NPIPB2: variants seen among roughly 807,000 people sequenced by gnomAD.
NPIPB2 encodes the protein nuclear pore complex-interacting protein family member B2.
In NPIPB2, 27 loss-of-function variants were observed where a neutral mutation model predicts 30.8. That is an observed-to-expected ratio of 0.88 (90% CI 0.65 to 1.21). NPIPB2 has a LOEUF of 1.21. Among genes scored for constraint, NPIPB2 ranks in the 50% most tolerant of loss-of-function variants. NPIPB2 has a pLI of 0.00. For synonymous variants in NPIPB2, 147 were observed against 162.0 expected (o/e 0.91, Z 0.70); for missense variants, 440 against 446.2 (o/e 0.99, Z 0.13).
intron 4 of NPIPB2, among the ~76,000 whole-genome samples, 175 bp from the exon 5 acceptor site, chr16:11,930,726 C>CA (rs1259959795): frequency 3.8e-5 from 5 of 129,988 alleles, no homozygotes; most frequent in Non-Finnish European, 6.4e-5. Flanking sequence ...CATTGAGGGA[C>CA]AAAAAAAAGT....
chr16:11,931,870 G>A (rs569244339), intron 4 of NPIPB2, among the ~76,000 whole-genome samples: 6 of 152,284 alleles, frequency 3.9e-5, no homozygotes, highest in African/African-American at 1.2e-4. Flanking sequence ...AACCCAGGAC[G>A]AAAGTCAGCT....
exon 8 of NPIPB2, chr16:11,927,627 G>A (rs2054745119): frequency 2.5e-6 from 4 of 1,605,844 alleles, no homozygotes; most frequent in Non-Finnish European, 2.5e-6. Flanking sequence ...TCCGCTGAGG[G>A]TGGAGCTGAG....
chr16:11,933,650 C>A, exon 4 of NPIPB2: 1 of 1,596,758 alleles, frequency 6.3e-7, no homozygotes, highest in Non-Finnish European at 8.5e-7. Flanking sequence ...TCTTTCAGGC[C>A]AATTTTATTT....
At chr16:11,967,138 C>A in intron 1 of NPIPB2, 1 of 197,194 alleles carries the variant, frequency 5.1e-6, no homozygotes, top group Non-Finnish European at 1.1e-5. Flanking sequence ...GTAACTGGGA[C>A]TATAGGTATG....
chr16:11,940,995 A>G (rs2054931396), intron 1 of NPIPB2, among the ~76,000 whole-genome samples: 1 of 146,686 alleles, frequency 6.8e-6, no homozygotes, highest in African/African-American at 2.5e-5. Flanking sequence ...AATTTTTTGT[A>G]GAGATGGGGT....
At chr16:11,961,868 T>C (rs1345734951) in intron 1 of NPIPB2, among the ~76,000 whole-genome samples, 1 of 151,422 alleles carries the variant, frequency 6.6e-6, no homozygotes, top group Non-Finnish European at 1.5e-5. Context: ...AGGGTCTGAA[T>C]AGACAGACAT....
intron 1 of NPIPB2, among the ~76,000 whole-genome samples, chr16:11,949,380 T>C (rs1001931853): frequency 6.6e-6 from 1 of 152,140 alleles, no homozygotes; most frequent in African/African-American, 2.4e-5. Flanking sequence ...CAGCGCTACA[T>C]AGCTGGTAGG....
At chr16:11,963,712 T>A (rs1431537105) in intron 1 of NPIPB2, among the ~76,000 whole-genome samples, 1 of 152,126 alleles carries the variant, frequency 6.6e-6, no homozygotes, top group African/African-American at 2.4e-5. Context: ...TCTGGACGTC[T>A]CTATATGGGT....
At chr16:11,936,908 C>T (rs1296896921) in intron 2 of NPIPB2, among the ~76,000 whole-genome samples, 1 of 151,400 alleles carries the variant, frequency 6.6e-6, no homozygotes, top group African/African-American at 2.4e-5. Flanking sequence ...TCACCTCGTC[C>T]CTATGACCTC....
intron 2 of NPIPB2, among the ~76,000 whole-genome samples, chr16:11,934,394 A>T (rs1391902679): frequency 2.0e-5 from 3 of 151,292 alleles, no homozygotes; most frequent in Admixed American, 6.6e-5. Context: ...TCTCTGCTAA[A>T]AATACAAAAT....
At chr16:11,973,162 CAAAAAAA>C (rs34947493) in intron 1 of NPIPB2, among the ~76,000 whole-genome samples, 5 of 73,040 alleles carry the variant, frequency 6.8e-5, no homozygotes, top group Non-Finnish European at 1.2e-4. Context: ...GTGAAACTGT[CAAAAAAA>C]AAAAAAAAAA....
At chr16:11,943,828 C>T (rs1400794197), upstream of NPIPB2, among the ~76,000 whole-genome samples, 2 of 150,814 alleles carry the variant, frequency 1.3e-5, no homozygotes, top group Non-Finnish European at 3.0e-5. Context: ...GAAACCCCGT[C>T]TCTACTAAAA....
chr16:11,959,664 C>G (rs2055140058), intron 1 of NPIPB2, among the ~76,000 whole-genome samples: 1 of 152,026 alleles, frequency 6.6e-6, no homozygotes, highest in African/African-American at 2.4e-5. Flanking sequence ...GAGTCTTTTT[C>G]TTTCTTTAGA....
At chr16:11,973,989 G>A (rs2055251861) in intron 1 of NPIPB2, among the ~76,000 whole-genome samples, 1 of 152,178 alleles carries the variant, frequency 6.6e-6, no homozygotes, top group Non-Finnish European at 1.5e-5. Context: ...TTTATCTTGT[G>A]AAAGCATTTG....
chr16:11,971,314 C>G (rs2055234241), intron 1 of NPIPB2, among the ~76,000 whole-genome samples: 1 of 152,066 alleles, frequency 6.6e-6, no homozygotes, highest in African/African-American at 2.4e-5. Flanking sequence ...AGAACACATA[C>G]CCTAGGTGGT....
At chr16:11,949,042 A>T (rs2055040260) in intron 1 of NPIPB2, among the ~76,000 whole-genome samples, 1 of 151,440 alleles carries the variant, frequency 6.6e-6, no homozygotes, top group Non-Finnish European at 1.5e-5. Flanking sequence ...CTTGTAAGGG[A>T]GGCGGCTGAG....
chr16:11,949,269 G>C (rs761014799), intron 1 of NPIPB2, among the ~76,000 whole-genome samples: 1 of 152,100 alleles, frequency 6.6e-6, no homozygotes. Context: ...TGTGCACGTC[G>C]GTGATCTCAT....
At chr16:11,976,579 A>C (rs1259775137) in exon 1 of NPIPB2, 2 of 361,008 alleles carry the variant, frequency 5.5e-6, no homozygotes, top group Non-Finnish European at 9.9e-6. Context: ...CTGAGTCTCC[A>C]GCCCGCGTAG....
chr16:11,969,345 C>T (rs1232700958), intron 1 of NPIPB2, among the ~76,000 whole-genome samples: 1 of 152,122 alleles, frequency 6.6e-6, no homozygotes, highest in Non-Finnish European at 1.5e-5. Flanking sequence ...GCAACCTCTG[C>T]CTCCCGGGTT....
Sources: gnomAD v4.1 joint callset for allele counts (sites outside exome capture counted in the v4.1 genomes callset) on GRCh38, gnomAD v4.1.1 for gene constraint, MANE v1.5 for transcripts, NCBI Gene and HGNC (gene_info 2026-07-23, HGNC 2026-07-21) for gene names.